Variants in ACTL8 observed in about 807,000 individuals in gnomAD.
ACTL8 encodes the protein actin like 8.
A neutral mutation model predicts 9.3 loss-of-function variants in ACTL8; 3 were observed. That is an observed-to-expected ratio of 0.32 (90% confidence interval 0.15 to 0.83). The LOEUF (loss-of-function observed/expected upper bound fraction) is 0.83. ACTL8 is among the 40% of genes least tolerant of loss of function. The pLI, the probability that ACTL8 is intolerant of heterozygous loss-of-function variation, is 0.57. For missense variants in ACTL8, 381 were observed against 492.2 expected (o/e 0.77, Z 2.14); for synonymous variants, 224 against 205.9 (o/e 1.09, Z -0.75).
intron 1 of ACTL8, among the ~76,000 whole-genome samples, chr1:17,764,940 G>T (rs1365317180): frequency 6.6e-6 from 1 of 152,192 alleles, no homozygotes; most frequent in Non-Finnish European, 1.5e-5. Flanking sequence ...CCCGGATCTG[G>T]GTAGGGGGGC....
At chr1:17,810,613 C>A (rs1287312449) in intron 1 of ACTL8, among the ~76,000 whole-genome samples, 1 of 152,162 alleles carries the variant, frequency 6.6e-6, no homozygotes, top group Non-Finnish European at 1.5e-5. Flanking sequence ...TGTAACCACT[C>A]TGGCAATCAA....
At chr1:17,822,885 CTTCAGGGGGA>C in intron 1 of ACTL8, 90 bp from the exon 2 acceptor site, 1 of 770,550 alleles carries the variant, frequency 1.3e-6, no homozygotes, top group South Asian at 1.8e-5. Flanking sequence ...AGTGGACAAG[CTTCAGGGGGA>C]GCCTGAGGTT....
intron 1 of ACTL8, among the ~76,000 whole-genome samples, chr1:17,785,650 T>C (rs1248383684): frequency 6.6e-6 from 1 of 152,228 alleles, no homozygotes; most frequent in Non-Finnish European, 1.5e-5. Flanking sequence ...TGGCTCCAGA[T>C]AGTTGTTAGC....
chr1:17,819,343 C>T (rs547624044), intron 1 of ACTL8, among the ~76,000 whole-genome samples: 77 of 152,274 alleles, frequency 5.1e-4, no homozygotes, highest in African/African-American at 1.4e-3. Context: ...GCAGGAGGCC[C>T]GGTCACCACA....
rs187207773 is a variant in ACTL8, at chr1:17,784,872, A to G, written c.-25+29368A>G. ...ACATACCCGAGACTTGGCAAGTTAC[A>G]AAAGAAAGAAGTTGAATTGGACTTA... is the stretch of plus-strand genomic sequence containing the variant. On this transcript the variant is annotated intron_variant, in intron 1 of 2. Transcript: ENST00000375406. 6.2e-3 allele frequency among the ~76,000 whole-genome samples: 947 copies of G among 152,332 alleles called. 11 individuals carry two copies. The highest frequency in any genetic ancestry group is 0.021 in the African/African-American group (885 of 41,562).
In ACTL8 at chr1:17,809,672, C is replaced by T. The variant is rs142592093; in HGVS notation, c.-24-13313C>T. Among the ~76,000 whole-genome samples, 230 of 151,924 alleles carry T rather than the reference C, an allele frequency of 1.5e-3. 7 individuals carry two copies. In the East Asian group the frequency reaches 0.042, roughly 27 times the overall value. On this transcript the variant is annotated intron_variant, in intron 1 of 2. Coordinates refer to ENST00000375406, the MANE Select transcript of ACTL8 (RefSeq NM_030812.3). Reference sequence around the variant, plus strand: ...CTGTGCATGTGAGGGATCTAGGTTGCGTGCTCCTTATGAGAATCTAATGCC... The same window carrying T: ...CTGTGCATGTGAGGGATCTAGGTTGTGTGCTCCTTATGAGAATCTAATGCC...
chr1:17,774,717 A>G (rs999685664), intron 1 of ACTL8, among the ~76,000 whole-genome samples: 1 of 152,062 alleles, frequency 6.6e-6, no homozygotes, highest in Non-Finnish European at 1.5e-5. Context: ...GGACAAGGCC[A>G]CAGCCAACTC....
chr1:17,801,297 A>T (rs571670970), intron 1 of ACTL8, among the ~76,000 whole-genome samples: 11 of 152,364 alleles, frequency 7.2e-5, no homozygotes, highest in African/African-American at 2.6e-4. Context: ...TAGCATTTGC[A>T]ATACTGGGGA....
intron 1 of ACTL8, among the ~76,000 whole-genome samples, chr1:17,803,419 C>A (rs1219258080): frequency 6.6e-6 from 1 of 152,210 alleles, no homozygotes; most frequent in East Asian, 1.9e-4. Flanking sequence ...CAGCCTTCAC[C>A]TCCTGGGTTC....
At chr1:17,761,048 G>A (rs2065998333) in intron 1 of ACTL8, among the ~76,000 whole-genome samples, 1 of 151,988 alleles carries the variant, frequency 6.6e-6, no homozygotes, top group African/African-American at 2.4e-5. Flanking sequence ...AATGTGGCCA[G>A]ACTGGTGGGG....
intron 1 of ACTL8, among the ~76,000 whole-genome samples, chr1:17,800,435 T>C (rs1004455794): frequency 6.6e-6 from 1 of 151,956 alleles, no homozygotes; most frequent in East Asian, 1.9e-4. Context: ...ATAGATGATA[T>C]TATCTTAAAC....
rs1043025861 is a variant in ACTL8, at chr1:17,757,731, A to G, written c.-25+2227A>G. On this transcript the variant is annotated intron_variant, in intron 1 of 2. Transcript: ENST00000375406. ...AAGAACGACAAGACTGGTGACATGTATGGGAGTGGATTCTAAGGGTTTTAG... is the reference window on the plus strand; with the variant it reads ...AAGAACGACAAGACTGGTGACATGTGTGGGAGTGGATTCTAAGGGTTTTAG... Among the ~76,000 whole-genome samples, 4 of 152,184 alleles carry G rather than the reference A, an allele frequency of 2.6e-5. No homozygotes were observed. In the East Asian group the frequency reaches 7.7e-4, roughly 29 times the overall value.
chr1:17,760,354 G>A (rs1385972482), intron 1 of ACTL8, among the ~76,000 whole-genome samples: 4 of 152,208 alleles, frequency 2.6e-5, no homozygotes, highest in Admixed American at 6.5e-5. Flanking sequence ...TCAAACTGGT[G>A]ACTTGGTGTG....
chr1:17,793,342 T>A (rs2066254993), intron 1 of ACTL8, among the ~76,000 whole-genome samples: 1 of 152,238 alleles, frequency 6.6e-6, no homozygotes, highest in South Asian at 2.1e-4. Flanking sequence ...ACCTACTGTG[T>A]GCACAGCCTG....
chr1:17,784,541 T>G (rs191976075), intron 1 of ACTL8, among the ~76,000 whole-genome samples: 1 of 152,328 alleles, frequency 6.6e-6, no homozygotes, highest in African/African-American at 2.4e-5. Context: ...TTCCCAGAAG[T>G]TGTTATTGTT....
chr1:17,810,055 A>G (rs1039552655), intron 1 of ACTL8, among the ~76,000 whole-genome samples: 2 of 152,060 alleles, frequency 1.3e-5, no homozygotes, highest in African/African-American at 4.8e-5. Flanking sequence ...TTAATACATT[A>G]TTTCTTCTCT....
chr1:17,816,811 T>C (rs151033408), intron 1 of ACTL8, among the ~76,000 whole-genome samples: 46 of 152,318 alleles, frequency 3.0e-4, no homozygotes, highest in African/African-American at 1.1e-3. Context: ...TTCTTCAGTA[T>C]TCTTCCCCAA....
intron 1 of ACTL8, among the ~76,000 whole-genome samples, chr1:17,795,435 A>G (rs1394782686): frequency 6.6e-6 from 1 of 152,246 alleles, no homozygotes; most frequent in African/African-American, 2.4e-5. Flanking sequence ...TCGTGTGAGG[A>G]TTAAATAAGA....
In ACTL8 at chr1:17,767,992, G is replaced by C. The variant is rs1569995571; in HGVS notation, c.-25+12488G>C. ...CTGGGGGGCAGGGGTGAGCATATAT[G>C]TGATGTGGGGTTTTAGAGAATCAGT... On this transcript the variant is annotated intron_variant, in intron 1 of 2. Transcript: ENST00000375406. The surrounding 1 kb of genome is among the most constrained non-coding windows in gnomAD (Gnocchi z 4.7). Among the ~76,000 whole-genome samples the C allele has an allele frequency of 6.6e-6, 1 of 152,256 alleles. No homozygotes were observed. Among genetic ancestry groups the C allele is most frequent in the East Asian group, 1.9e-4 (1 of 5,188 alleles).
Sources: allele counts gnomAD v4.1 joint callset (sites outside exome capture counted in the v4.1 genomes callset), GRCh38; gene constraint gnomAD v4.1.1; non-coding constraint Gnocchi (gnomAD v3.1); transcripts MANE v1.5; gene names NCBI Gene and HGNC (gene_info 2026-07-23, HGNC 2026-07-21).